Variants in TMOD4 observed in about 807,000 individuals in gnomAD.
The protein encoded by TMOD4 is tropomodulin 4, also known as tropomodulin-4.
Under a neutral mutation model 45.4 loss-of-function variants are expected in TMOD4, and 34 were observed. The ratio of observed to expected loss-of-function variants is 0.75; its 90% confidence interval spans 0.57 to 1.00. The LOEUF (loss-of-function observed/expected upper bound fraction) is 1.00. Ranked by LOEUF, TMOD4 falls within the 50% of genes least tolerant of loss-of-function variation. TMOD4 has a pLI of 0.00. For missense variants in TMOD4, 399 were observed against 437.5 expected, an observed-to-expected ratio of 0.91 and a Z score of 0.78; for synonymous variants, 131 against 153.9, an observed-to-expected ratio of 0.85 and a Z score of 1.10.
At chr1:151,174,031 C>T (rs977646330) in intron 3 of TMOD4, among the ~76,000 whole-genome samples, 3 of 151,752 alleles carry the variant, frequency 2.0e-5, no homozygotes, top group East Asian at 1.9e-4. Flanking sequence ...CTGGCTAACA[C>T]AGTGAAACCC....
chr1:151,174,328 G>A, intron 3 of TMOD4, 63 bp downstream of exon 3: 1 of 1,563,086 alleles, frequency 6.4e-7, no homozygotes, highest in Middle Eastern at 1.8e-4. Flanking sequence ...CTGGAGTGGG[G>A]ACGAGTGAGA....
In TMOD4 at chr1:151,170,526, A is replaced by G. The variant is rs61743741; in HGVS notation, c.1008T>C (p.Asn336=). 1.9e-6 allele frequency: 3 copies of G among 1,614,108 alleles called. No homozygotes were observed. Among genetic ancestry groups the G allele is most frequent in the Admixed American group, 3.3e-5 (2 of 59,994 alleles). The change falls in exon 9 of 10, where the codon AAT becomes AAC. Residue 336 remains asparagine (N), a synonymous_variant. Coordinates refer to ENST00000295314, the MANE Select transcript of TMOD4 (RefSeq NM_013353.3). ...ATGTCTGCAGTTACTCACGTAGTTC[A>G]TTGTTTCGGGTCATGGCCTGGGCTG... ...ARAAQAMTRN[N]ELRRQQKKR is the part of the protein sequence containing the mutation.
At chr1:151,171,264 G>C (rs1309583110) in intron 7 of TMOD4, among the ~76,000 whole-genome samples, 169 bp downstream of exon 7, 2 of 152,116 alleles carry the variant, frequency 1.3e-5, no homozygotes, top group Non-Finnish European at 2.9e-5. Context: ...AGGGGTGTTA[G>C]AGAGAGTAGA....
At chr1:151,170,822 A>G in intron 8 of TMOD4, 98 bp downstream of exon 8, 1 of 1,534,182 alleles carries the variant, frequency 6.5e-7, no homozygotes, top group Non-Finnish European at 8.8e-7. Flanking sequence ...GAAGAGGAGA[A>G]TTCAAGCAAG....
chr1:151,173,072 C>T (rs886685367), intron 4 of TMOD4, among the ~76,000 whole-genome samples: 22 of 152,062 alleles, frequency 1.4e-4, no homozygotes, highest in Admixed American at 1.4e-3. Context: ...CCACCCGCCT[C>T]GGCCTCCCAA....
rs1320600453 is a variant in TMOD4 at position 151,171,626 on chromosome 1, C to T, written c.618+7G>A. 4 of 1,614,112 alleles carry T rather than the reference C, an allele frequency of 2.5e-6. No individual in the cohort carries two copies. Among genetic ancestry groups the T allele is most frequent in the Non-Finnish European group, 3.4e-6 (4 of 1,180,024 alleles). On this transcript the variant is annotated splice_region_variant and intron_variant, in intron 6 of 9. Transcript: ENST00000295314. ...GTGTTATGGTTTGGAGGATGCAAGT[C>T]AAATACCTGTATATTATTCAAGTTC...
Position 151,172,374 on chromosome 1 carries a change from G to T in TMOD4, c.398-17C>A. 1.3e-6 allele frequency: 2 copies of T among 1,597,812 alleles called. No homozygotes were observed. Among genetic ancestry groups the T allele is most frequent in the South Asian group, 2.2e-5 (2 of 90,710 alleles). On this transcript the variant is annotated splice_polypyrimidine_tract_variant and intron_variant, in intron 4 of 9. Transcript: ENST00000295314. ...CCAGAATTGCTGGAGAGGGTAAGAA[G>T]AGGAGTCACAGGGAATGAGAAGGAA...
At position 151,172,374 on chromosome 1, in the gene TMOD4, G is replaced by A; in HGVS notation, c.398-17C>T. On this transcript the variant is annotated splice_polypyrimidine_tract_variant and intron_variant, in intron 4 of 9. Transcript: ENST00000295314. ...CCAGAATTGCTGGAGAGGGTAAGAA[G>A]AGGAGTCACAGGGAATGAGAAGGAA... is the stretch of plus-strand genomic sequence containing the variant. The A allele has an allele frequency of 6.3e-7, 1 of 1,597,812 alleles. No homozygotes were observed. The highest frequency in any genetic ancestry group is 2.2e-5 in the East Asian group (1 of 44,782).
chr1:151,174,826 T>C lies in TMOD4; in HGVS notation c.50A>G (p.Asp17Gly). The change falls in exon 2 of 10, where the codon GAT becomes GGT. Residue 17 changes from aspartate to glycine, a missense_variant. By Grantham distance (94) the Asp-to-Gly change is moderately conservative. Transcript: ENST00000295314. ...GGGGCTCAAGGTCCTTAGGATCTCA[T>C]CTTCATCTATGTCTCTGTATTTCTC... The part of the protein sequence containing the change: ...ELEKYRDIDE[D>G]EILRTLSPEE... 1 of 1,614,218 alleles carries C rather than the reference T, an allele frequency of 6.2e-7. No homozygotes were observed. The highest frequency in any genetic ancestry group is 8.5e-7 in the Non-Finnish European group (1 of 1,180,044).
In TMOD4 at chr1:151,171,019, T is replaced by C. The variant is rs2101710538; in HGVS notation, c.771A>G (p.Leu257=). 1 of 1,614,216 alleles carries C rather than the reference T, an allele frequency of 6.2e-7. No homozygotes were observed. The highest frequency in any genetic ancestry group is 8.5e-7 in the Non-Finnish European group (1 of 1,180,034). ...MLRENRSLQS[L]NIESNFISST... ...TGCTAATGAAGTTGGATTCGATGTTTAGGCTCTGGAGGCTACGATTCTCAC... is the reference window on the plus strand; with the variant it reads ...TGCTAATGAAGTTGGATTCGATGTTCAGGCTCTGGAGGCTACGATTCTCAC... Residue 257 remains leucine, a synonymous_variant, in exon 8 of 10, where the codon CTA becomes CTG. Coordinates refer to ENST00000295314, the MANE Select transcript of TMOD4 (RefSeq NM_013353.3).
intron 5 of TMOD4, 39 bp from the exon 6 acceptor site, chr1:151,171,802 C>T (rs1467983580): frequency 6.3e-7 from 1 of 1,586,952 alleles, no homozygotes; most frequent in Non-Finnish European, 8.5e-7. Flanking sequence ...CAACATGTTC[C>T]CCATAATCTC....
chr1:151,174,952 A>G lies in TMOD4; in HGVS notation c.-42-35T>C. 1.9e-6 allele frequency: 3 copies of G among 1,579,300 alleles called. No homozygotes were observed. The Middle Eastern group carries it at 5.1e-4, about 266-fold the overall frequency. ...ATGGGACAAAAGGATGGACAATGGT[A>G]AGATGGACAGGGACACAGCAGGGAC... On this transcript the variant is annotated intron_variant, in intron 1 of 9. Transcript: ENST00000295314.
At chr1:151,171,362 C>T (rs1683948473) in intron 7 of TMOD4, 71 bp downstream of exon 7, 2 of 1,427,816 alleles carry the variant, frequency 1.4e-6, no homozygotes, top group Admixed American at 1.7e-5. Flanking sequence ...CTAGCAAAAC[C>T]CTTTATGACA....
rs768970703 is a variant in TMOD4 at position 151,170,529 on chromosome 1, G to A, written c.1005C>T (p.Asn335=). The A allele has an allele frequency of 6.2e-7, 1 of 1,614,200 alleles. No homozygotes were observed. ...TCTGCAGTTACTCACGTAGTTCATT[G>A]TTTCGGGTCATGGCCTGGGCTGCCC... ...RARAAQAMTR[N]NELRRQQKKR Residue 335 remains asparagine, a synonymous_variant, in exon 9 of 10, where the codon AAC becomes AAT. Transcript: ENST00000295314.
At chr1:151,173,953 T>C (rs990835958) in intron 3 of TMOD4, among the ~76,000 whole-genome samples, 20 of 149,832 alleles carry the variant, frequency 1.3e-4, no homozygotes, top group South Asian at 4.2e-4. Context: ...CGGTGGCTCA[T>C]GCCTGTAATC....
In TMOD4 at chr1:151,174,918, CTGGGCAACA is replaced by C; in HGVS notation, c.-42-10_-42-2del. 1 of 1,613,362 alleles carries C rather than the reference CTGGGCAACA, an allele frequency of 6.2e-7. No homozygotes were observed. The highest frequency in any genetic ancestry group is 8.5e-7 in the Non-Finnish European group (1 of 1,179,562). ...CCCCACTGTGTGGTACTCACAGAGC[CTGGGCAACA>C]TGGGACAAAAGGATGGACAATGGTA... On this transcript the variant is annotated splice_acceptor_variant and splice_polypyrimidine_tract_variant and intron_variant, in intron 1 of 9. Coordinates refer to ENST00000295314, the MANE Select transcript of TMOD4 (RefSeq NM_013353.3). LOFTEE classifies it low-confidence loss of function (5UTR_SPLICE).
chr1:151,174,249 C>T (rs1371165995), intron 3 of TMOD4, 142 bp downstream of exon 3: 9 of 853,986 alleles, frequency 1.1e-5, no homozygotes, highest in Non-Finnish European at 1.7e-5. Context: ...CTGAAGAGTG[C>T]AAGCTCGCAT....
intron 2 of TMOD4, 60 bp from the exon 3 acceptor site, chr1:151,174,607 G>A (rs1684049886): frequency 6.9e-6 from 11 of 1,600,572 alleles, no homozygotes; most frequent in Non-Finnish European, 8.5e-6. Flanking sequence ...TACTGCTAGG[G>A]CTCCCTAAAA....
In TMOD4 at chr1:151,170,562, TG is replaced by T; in HGVS notation, c.971del (p.Pro324HisfsTer9). The T allele has an allele frequency of 6.2e-7, 1 of 1,614,220 alleles. No individual in the cohort carries two copies. The highest frequency in any genetic ancestry group is 8.5e-7 in the Non-Finnish European group (1 of 1,180,054). ...TCATGGCCTGGGCTGCCCGAGCTCG[TG>T]GCCCCTGCTGTGTAAAGTGGTAGCC... is the stretch of plus-strand genomic sequence containing the variant. ...RFGYHFTQQG[P>X]RARAAQAMTR... On this transcript the variant is annotated frameshift_variant, in exon 9 of 10. Coordinates refer to ENST00000295314, the MANE Select transcript of TMOD4 (RefSeq NM_013353.3). LOFTEE classifies it high-confidence loss of function.
Sources: allele counts gnomAD v4.1 joint callset (sites outside exome capture counted in the v4.1 genomes callset), GRCh38; gene constraint gnomAD v4.1.1; transcripts MANE v1.5; gene names NCBI Gene and HGNC (gene_info 2026-07-23, HGNC 2026-07-21).